INPP5D: variants seen among roughly 807,000 people sequenced by gnomAD.
INPP5D encodes the protein inositol polyphosphate-5-phosphatase D.
A neutral mutation model predicts 122.9 loss-of-function variants in INPP5D; 33 were observed. The ratio of observed to expected loss-of-function variants is 0.27; its 90% CI spans 0.20 to 0.36. The LOEUF is 0.36. Ranked by LOEUF, INPP5D falls within the 10% of genes least tolerant of loss-of-function variation. The pLI is 1.00. For missense variants in INPP5D, 1,053 were observed against 1,412.7 expected, an observed-to-expected ratio of 0.75 and a Z score of 4.08; for synonymous variants, 584 against 576.2, an observed-to-expected ratio of 1.01 and a Z score of -0.19.
At chr2:233,199,863 T>A (rs752574915) in intron 25 of INPP5D, among the ~76,000 whole-genome samples, 3 of 152,128 alleles carry the variant, frequency 2.0e-5, no homozygotes, top group Non-Finnish European at 2.9e-5. Context: ...TAGAGCTAGT[T>A]AACCTTTGGG....
chr2:233,104,006 CTTTTTTTTTTTT>C (rs5839471), intron 2 of INPP5D, among the ~76,000 whole-genome samples: 1,083 of 81,896 alleles, frequency 0.013, 32 homozygotes, highest in African/African-American at 0.064. Flanking sequence ...TGTGCCCTGC[CTTTTTTTTTTTT>C]TTTTTTTTTT....
intron 6 of INPP5D, among the ~76,000 whole-genome samples, chr2:233,141,792 C>T (rs1693636917): frequency 6.6e-6 from 1 of 152,110 alleles, no homozygotes; most frequent in Admixed American, 6.6e-5. Context: ...ACCCAAAGGG[C>T]CACGCTGGTC....
intron 24 of INPP5D, 106 bp downstream of exon 24, chr2:233,195,601 C>T (rs1695163597): frequency 6.5e-7 from 1 of 1,538,048 alleles, no homozygotes; most frequent in Non-Finnish European, 8.8e-7. Flanking sequence ...AATCCCGGCA[C>T]TTTGGGAGGC....
chr2:233,154,334 A>G (rs1693995097), intron 9 of INPP5D, among the ~76,000 whole-genome samples: 1 of 152,128 alleles, frequency 6.6e-6, no homozygotes, highest in South Asian at 2.1e-4. Context: ...TTTTTAGTAG[A>G]AATGAGGTTT....
chr2:233,166,391 C>T (rs373242978), intron 13 of INPP5D, among the ~76,000 whole-genome samples: 21 of 152,256 alleles, frequency 1.4e-4, no homozygotes, highest in Admixed American at 3.9e-4. Context: ...CATGAGCAGA[C>T]GGGAGGAAAA....
Position 233,100,512 on chromosome 2 carries a change from A to G in INPP5D, c.198+21114A>G, listed in dbSNP as rs755465716. ...ACAGCCCACGTTACTCCCGGTGACA[A>G]TCAGAATTCCCCCTGGCCTGCCCTC... is the stretch of plus-strand genomic sequence containing the variant. On this transcript the variant is annotated intron_variant, in intron 2 of 26. Coordinates refer to ENST00000445964, the MANE Select transcript of INPP5D (RefSeq NM_001017915.3). The surrounding 1 kb of genome is among the most constrained non-coding windows in gnomAD (Gnocchi z 5.3). Among the ~76,000 whole-genome samples, 1 of 152,128 alleles carries G rather than the reference A, an allele frequency of 6.6e-6. No individual in the cohort carries two copies. The highest frequency in any genetic ancestry group is 1.5e-5 in the Non-Finnish European group (1 of 68,012).
At chr2:233,158,459 G>C (rs1197889363) in intron 10 of INPP5D, 40 bp downstream of exon 10, 1 of 685,518 alleles carries the variant, frequency 1.5e-6, no homozygotes, top group African/African-American at 1.8e-5. Flanking sequence ...TGTGAGGTAG[G>C]GAGGGGACAC....
rs1292221068 is a variant in INPP5D at position 233,206,234 on chromosome 2, T to C, written c.3568-472T>C. Among the ~76,000 whole-genome samples the C allele has an allele frequency of 6.6e-6, 1 of 152,146 alleles. No homozygotes were observed. Among genetic ancestry groups the C allele is most frequent in the Non-Finnish European group, 1.5e-5 (1 of 68,034 alleles). ...AGGAGAATTGCATTGTAGGCTATTA[T>C]GTATTATTACCATGTATTATCATCT... On this transcript the variant is annotated intron_variant, in intron 26 of 26. Transcript: ENST00000445964. The surrounding 1 kb of genome is among the most constrained non-coding windows in gnomAD (Gnocchi z 4.0).
Position 233,197,872 on chromosome 2 carries a change from A to G in INPP5D, c.2694-223A>G, listed in dbSNP as rs1432996713. ...GACCATGGCTGCCTCACTCACAGCCATATTCCCTCCTCCCGGCCTGGGGCC... is the reference window on the plus strand; with the variant it reads ...GACCATGGCTGCCTCACTCACAGCCGTATTCCCTCCTCCCGGCCTGGGGCC... On this transcript the variant is annotated intron_variant, in intron 24 of 26. Transcript: ENST00000445964. This position sits in a 1 kb window ranked among gnomAD's most constrained non-coding sequence, Gnocchi z 4.4. Among the ~76,000 whole-genome samples, 1 of 152,218 alleles carries G rather than the reference A, an allele frequency of 6.6e-6. No homozygotes were observed. Among genetic ancestry groups the G allele is most frequent in the African/African-American group, 2.4e-5 (1 of 41,460 alleles).
intron 6 of INPP5D, among the ~76,000 whole-genome samples, chr2:233,141,769 G>A (rs1286886814): frequency 6.6e-6 from 1 of 152,098 alleles, no homozygotes; most frequent in Non-Finnish European, 1.5e-5. Flanking sequence ...GAAATCAGAT[G>A]GGAAGGATTT....
rs1694169777 is a variant in INPP5D, at chr2:233,160,307, T to C, written c.1138-1417T>C. On this transcript the variant is annotated intron_variant, in intron 10 of 26. Transcript: ENST00000445964. The surrounding 1 kb of genome is among the most constrained non-coding windows in gnomAD (Gnocchi z 4.2). ...CTGAAATTTGTGTACTTTGTTAAAG[T>C]CCGCCTGCTCTATTGATTGCATCCT... Among the ~76,000 whole-genome samples, 1 of 152,214 alleles carries C rather than the reference T, an allele frequency of 6.6e-6. No homozygotes were observed. The highest frequency in any genetic ancestry group is 2.1e-4 in the South Asian group (1 of 4,832).
At chr2:233,064,986 GACATCTGGCTC>G (rs1691172136) in intron 1 of INPP5D, among the ~76,000 whole-genome samples, 1 of 152,242 alleles carries the variant, frequency 6.6e-6, no homozygotes, top group Non-Finnish European at 1.5e-5. Context: ...CAGAGCTACT[GACATCTGGCTC>G]ACACCAGAAA....
chr2:233,139,340 A>T (rs1279198002), intron 5 of INPP5D, among the ~76,000 whole-genome samples: 2 of 152,154 alleles, frequency 1.3e-5, no homozygotes, highest in Non-Finnish European at 2.9e-5. Flanking sequence ...CTGAGCCTGC[A>T]TTTGGGCTGC....
In INPP5D at chr2:233,197,611, G is replaced by A. The variant is rs1409261520; in HGVS notation, c.2694-484G>A. 3.3e-5 allele frequency among the ~76,000 whole-genome samples: 5 copies of A among 152,230 alleles called. No individual in the cohort carries two copies. The highest frequency in any genetic ancestry group is 9.6e-5 in the African/African-American group (4 of 41,528). On this transcript the variant is annotated intron_variant, in intron 24 of 26. Transcript: ENST00000445964. This position sits in a 1 kb window ranked among gnomAD's most constrained non-coding sequence, Gnocchi z 4.4. ...CTTTGCATGTACTCTTGCCACTGCC[G>A]AGAACAGTCTCCCCTTCTTTCTCTC... is the stretch of plus-strand genomic sequence containing the variant.
At chr2:233,102,991 C>T (rs1692362062) in intron 2 of INPP5D, among the ~76,000 whole-genome samples, 1 of 152,152 alleles carries the variant, frequency 6.6e-6, no homozygotes, top group Admixed American at 6.5e-5. Context: ...GAATGGGTGT[C>T]TTTTTATTTG....
At chr2:233,123,767 C>T (rs1180828022) in intron 3 of INPP5D, among the ~76,000 whole-genome samples, 1 of 152,170 alleles carries the variant, frequency 6.6e-6, no homozygotes, top group Non-Finnish European at 1.5e-5. Flanking sequence ...ATATATACAC[C>T]ATGGAATACT....
chr2:233,065,902 C>T (rs1419795879), intron 1 of INPP5D, among the ~76,000 whole-genome samples: 1 of 151,818 alleles, frequency 6.6e-6, no homozygotes, highest in Non-Finnish European at 1.5e-5. Context: ...GCCTCGGCCT[C>T]CCAAAGTGCT....
chr2:233,203,236 G>A (rs145674826), intron 25 of INPP5D, among the ~76,000 whole-genome samples: 72 of 152,304 alleles, frequency 4.7e-4, no homozygotes, highest in East Asian at 2.1e-3. Flanking sequence ...ATGCTGGGTC[G>A]GAGCAGAATT....
chr2:233,162,240 AG>A (rs1694217271), intron 11 of INPP5D, among the ~76,000 whole-genome samples: 9 of 152,050 alleles, frequency 5.9e-5, no homozygotes, highest in Admixed American at 3.9e-4. Context: ...AGAGACAGAG[AG>A]AGACAGAGAG....
Sources: allele counts gnomAD v4.1 joint callset (sites outside exome capture counted in the v4.1 genomes callset), GRCh38; gene constraint gnomAD v4.1.1; non-coding constraint Gnocchi (gnomAD v3.1); transcripts MANE v1.5; gene names NCBI Gene and HGNC (gene_info 2026-07-23, HGNC 2026-07-21).